Variants in SLC35F3 observed in about 807,000 individuals in gnomAD.
SLC35F3 encodes the protein solute carrier family 35 member F3.
Under a neutral mutation model 49.9 loss-of-function variants are expected in SLC35F3, and 25 were observed. The observed-to-expected ratio is 0.50, with a 90% CI of 0.37 to 0.70. The LOEUF (loss-of-function observed/expected upper bound fraction) is 0.70. SLC35F3 is among the 30% of genes least tolerant of loss of function. The pLI, the probability that SLC35F3 is intolerant of heterozygous loss-of-function variation, is 0.00. For missense variants in SLC35F3, 525 were observed against 639.8 expected (o/e 0.82, Z 1.94); for synonymous variants, 275 against 265.4 (o/e 1.04, Z -0.35).
At chr1:234,112,722 A>ATTTTTTTTTTT (rs1157248348) in intron 2 of SLC35F3, among the ~76,000 whole-genome samples, 5 of 33,544 alleles carry the variant, frequency 1.5e-4, no homozygotes, top group African/African-American at 2.5e-4. Flanking sequence ...TGCCCAGCTA[A>ATTTTTTTTTTT]TTTTTTTTTT....
At chr1:233,963,882 C>A (rs1182805412) in intron 2 of SLC35F3, among the ~76,000 whole-genome samples, 1 of 151,520 alleles carries the variant, frequency 6.6e-6, no homozygotes, top group Non-Finnish European at 1.5e-5. Flanking sequence ...TGGAGTCACT[C>A]TGGGTTCTGG....
intron 2 of SLC35F3, among the ~76,000 whole-genome samples, chr1:234,059,629 TAGACATAGACATAGACATAGA>T (rs1558217620): frequency 3.0e-5 from 2 of 67,454 alleles, no homozygotes; most frequent in Admixed American, 1.4e-4. Flanking sequence ...GACATAGACA[TAGACATAGACATAGACATAGA>T]CATAGACATA....
chr1:234,077,987 T>G (rs944675136), intron 2 of SLC35F3, among the ~76,000 whole-genome samples: 5 of 152,174 alleles, frequency 3.3e-5, no homozygotes, highest in Admixed American at 2.6e-4. Context: ...CCACTGAGTC[T>G]ACAAACCTCT....
At chr1:234,319,272 A>G (rs1657559960) in intron 6 of SLC35F3, among the ~76,000 whole-genome samples, 1 of 152,196 alleles carries the variant, frequency 6.6e-6, no homozygotes, top group African/African-American at 2.4e-5. Flanking sequence ...ACATTGCCTG[A>G]TAAGTGTCAA....
At chr1:233,976,170 T>G (rs1663076973) in intron 2 of SLC35F3, among the ~76,000 whole-genome samples, 1 of 152,216 alleles carries the variant, frequency 6.6e-6, no homozygotes, top group Non-Finnish European at 1.5e-5. Flanking sequence ...CACAATGTTT[T>G]TTAAGTAGCC....
chr1:234,240,390 A>G (rs1289915585), intron 3 of SLC35F3, among the ~76,000 whole-genome samples: 1 of 151,952 alleles, frequency 6.6e-6, no homozygotes, highest in Non-Finnish European at 1.5e-5. Flanking sequence ...GGATCACTTG[A>G]GTCCAGGAGT....
chr1:234,307,176 G>C (rs1657219380), intron 3 of SLC35F3, among the ~76,000 whole-genome samples: 2 of 152,164 alleles, frequency 1.3e-5, no homozygotes, highest in African/African-American at 4.8e-5. Flanking sequence ...AAAATTACAT[G>C]GCAAACAGAA....
At chr1:234,236,438 TCAAAA>T (rs1284460056) in intron 3 of SLC35F3, among the ~76,000 whole-genome samples, 3 of 151,460 alleles carry the variant, frequency 2.0e-5, no homozygotes, top group Admixed American at 6.6e-5. Context: ...AGACCCTGTC[TCAAAA>T]CAAAAAAAAA....
At chr1:234,317,535 G>T (rs1311758137) in intron 5 of SLC35F3, among the ~76,000 whole-genome samples, 1 of 152,216 alleles carries the variant, frequency 6.6e-6, no homozygotes, top group Non-Finnish European at 1.5e-5. Context: ...TGTGGATCCA[G>T]ACAATAGGAC....
At chr1:234,039,642 G>A (rs1664192140) in intron 2 of SLC35F3, among the ~76,000 whole-genome samples, 1 of 152,196 alleles carries the variant, frequency 6.6e-6, no homozygotes, top group Non-Finnish European at 1.5e-5. Context: ...CAGCATGACA[G>A]TTAGTGATGC....
At chr1:233,994,438 CT>C (rs1663424356) in intron 2 of SLC35F3, among the ~76,000 whole-genome samples, 1 of 96,324 alleles carries the variant, frequency 1.0e-5, no homozygotes, top group Admixed American at 1.0e-4. Context: ...CCCTATTCAG[CT>C]TCTCTGTAAA....
intron 2 of SLC35F3, among the ~76,000 whole-genome samples, chr1:234,209,501 C>T (rs1572095882): frequency 6.6e-6 from 1 of 152,176 alleles, no homozygotes; most frequent in East Asian, 1.9e-4. Context: ...CACCACATCC[C>T]ACTCCCAAAA....
chr1:234,114,961 C>T (rs978915327), intron 2 of SLC35F3, among the ~76,000 whole-genome samples: 4 of 152,010 alleles, frequency 2.6e-5, no homozygotes, highest in African/African-American at 9.7e-5. Flanking sequence ...TTAAAGGGGA[C>T]CGGGTATTGA....
rs1403127450 is a variant in SLC35F3 at position 234,047,562 on chromosome 1, G to T, written c.283+141804G>T. On this transcript the variant is annotated intron_variant, in intron 2 of 7. Transcript: ENST00000366618. ...TGCGTCATGAACTTACTGGCCTTTG[G>T]ACTATAATAGAACTATACCATCAGC... Among the ~76,000 whole-genome samples, 7 of 152,134 alleles carry T rather than the reference G, an allele frequency of 4.6e-5. No homozygotes were observed. The East Asian group carries it at 1.3e-3, about 29-fold the overall frequency.
chr1:234,320,198 G>A lies in SLC35F3; in HGVS notation c.1237+11G>A. On this transcript the variant is annotated intron_variant, in intron 7 of 7. Coordinates refer to ENST00000366618, the MANE Select transcript of SLC35F3 (RefSeq NM_173508.4). The surrounding 1 kb of genome is among the most constrained non-coding windows in gnomAD (Gnocchi z 4.8). ...TACCTGTGAATGCAGGTAAACCTAT[G>A]CGGCTTTCTATATCTGCACATAAGC... 1 of 1,604,562 alleles carries A rather than the reference G, an allele frequency of 6.2e-7. No homozygotes were observed. The highest frequency in any genetic ancestry group is 8.5e-7 in the Non-Finnish European group (1 of 1,171,716).
chr1:233,931,331 A>G (rs1662238703), intron 2 of SLC35F3, among the ~76,000 whole-genome samples: 1 of 152,212 alleles, frequency 6.6e-6, no homozygotes. Context: ...GAAAGAAACT[A>G]TCATCAGAGT....
At chr1:234,242,779 A>G (rs1342493400) in intron 3 of SLC35F3, among the ~76,000 whole-genome samples, 1 of 152,226 alleles carries the variant, frequency 6.6e-6, no homozygotes, top group Non-Finnish European at 1.5e-5. Context: ...TGACACTTAC[A>G]TTTAATGAGT....
At chr1:234,112,395 T>C (rs910927037) in intron 2 of SLC35F3, among the ~76,000 whole-genome samples, 3 of 152,064 alleles carry the variant, frequency 2.0e-5, no homozygotes, top group Non-Finnish European at 4.4e-5. Context: ...ATACTTTCCC[T>C]ATAACAATGC....
At chr1:234,114,030 T>A (rs1665446926) in intron 2 of SLC35F3, among the ~76,000 whole-genome samples, 1 of 152,206 alleles carries the variant, frequency 6.6e-6, no homozygotes, top group Non-Finnish European at 1.5e-5. Context: ...GACCCTGATT[T>A]GCAGCATTTG....
Sources: allele counts gnomAD v4.1 joint callset (sites outside exome capture counted in the v4.1 genomes callset), GRCh38; gene constraint gnomAD v4.1.1; non-coding constraint Gnocchi (gnomAD v3.1); transcripts MANE v1.5; gene names NCBI Gene and HGNC (gene_info 2026-07-23, HGNC 2026-07-21).